BCL7B: variants seen among roughly 807,000 people sequenced by gnomAD.
The protein encoded by BCL7B is BAF chromatin remodeling complex subunit BCL7B.
Under a neutral mutation model 26.5 loss-of-function variants are expected in BCL7B, and 11 were observed. That is an observed-to-expected ratio of 0.42 (90% CI 0.26 to 0.69). The LOEUF (loss-of-function observed/expected upper bound fraction) is 0.69, where lower values mean the gene tolerates loss of function less well. Among genes scored for constraint, BCL7B ranks in the 30% least tolerant of loss-of-function variants. The probability of loss-of-function intolerance (pLI) is 0.28; values close to 1 mark genes in which losing one functional copy is unlikely to be tolerated. For synonymous variants in BCL7B, 111 were observed against 107.9 expected, an observed-to-expected ratio of 1.03 and a Z score of -0.18; for missense variants, 215 against 264.4, an observed-to-expected ratio of 0.81 and a Z score of 1.30.
intron 3 of BCL7B, among the ~76,000 whole-genome samples, chr7:73,540,983 C>T (rs966354283): frequency 1.3e-5 from 2 of 151,780 alleles, no homozygotes; most frequent in Non-Finnish European, 2.9e-5. Context: ...CCCGTCTCTA[C>T]TGAAAATACA....
intron 4 of BCL7B, among the ~76,000 whole-genome samples, chr7:73,539,443 G>A (rs111623485): frequency 4.6e-5 from 7 of 151,588 alleles, no homozygotes; most frequent in Non-Finnish European, 7.4e-5. Flanking sequence ...TAGTAGAGAC[G>A]GTTTTGCCAT....
In BCL7B at chr7:73,556,953, G is replaced by A. The variant is rs551976786; in HGVS notation, c.92+534C>T. 8.1e-6 allele frequency: 8 copies of A among 989,884 alleles called. No homozygotes were observed. The South Asian group carries it at 3.3e-4, about 41-fold the overall frequency. The allele number at this position is 989,884 out of a possible 1,614,324, so 61.3% of individuals were successfully genotyped here. On this transcript the variant is annotated intron_variant, in intron 1 of 5. Transcript: ENST00000223368. ...AATGCCTACCAAGCTCGCGGCGCAG[G>A]GGCCGGTTACTGGGGGAAAGGGAGG...
rs542395658 is a variant in BCL7B, at chr7:73,549,537, G to A, written c.168+2630C>T. ...CTAAAAAAGGAAAAAGCGTGGGTACGATGGCTCATGCCTAAAATCCCACCA... is the reference window on the plus strand; with the variant it reads ...CTAAAAAAGGAAAAAGCGTGGGTACAATGGCTCATGCCTAAAATCCCACCA... On this transcript the variant is annotated intron_variant, in intron 2 of 5. Coordinates refer to ENST00000223368, the MANE Select transcript of BCL7B (RefSeq NM_001707.4). Among the ~76,000 whole-genome samples the A allele has an allele frequency of 2.0e-4, 31 of 152,254 alleles. No homozygotes were observed. The East Asian group carries it at 5.2e-3, about 26-fold the overall frequency.
At position 73,537,087 on chromosome 7, in the gene BCL7B, C is replaced by T. The variant is rs902908461; in HGVS notation, c.*211G>A. 2 of 466,760 alleles carry T rather than the reference C, an allele frequency of 4.3e-6. No individual in the cohort carries two copies. Among genetic ancestry groups the T allele is most frequent in the Non-Finnish European group, 7.7e-6 (2 of 258,534 alleles). 28.9% of individuals were successfully genotyped at this position (466,760 alleles called of 1,614,324 possible). A position where few individuals can be genotyped will look rare whatever the true frequency, so the allele number is the denominator to read the frequency against. ...ACTTGGGGTGCAAAAAAGACATGAG[C>T]GCTCCTCTTCTCGGGAGCAAGTAGA... On this transcript the variant is annotated 3_prime_UTR_variant, in exon 6 of 6. Transcript: ENST00000223368.
intron 2 of BCL7B, among the ~76,000 whole-genome samples, chr7:73,547,217 C>G (rs914745055): frequency 6.6e-6 from 1 of 152,006 alleles, no homozygotes; most frequent in Admixed American, 6.6e-5. Context: ...GATCCCAGCA[C>G]TTTGGGAGGC....
chr7:73,557,201 C>G (rs7793710), intron 1 of BCL7B: 291,628 of 1,043,288 alleles, frequency 0.28, 41,849 homozygotes, highest in African/African-American at 0.39. Context: ...CGGGCACCGA[C>G]GCCAGGCAGC....
chr7:73,541,309 T>C (rs1278760325), intron 3 of BCL7B, among the ~76,000 whole-genome samples: 1 of 152,072 alleles, frequency 6.6e-6, no homozygotes, highest in Admixed American at 6.6e-5. Context: ...TCAAGCCTCA[T>C]CATCTCCAGC....
At chr7:73,549,435 T>C (rs1381793163) in intron 2 of BCL7B, among the ~76,000 whole-genome samples, 1 of 152,192 alleles carries the variant, frequency 6.6e-6, no homozygotes, top group Non-Finnish European at 1.5e-5. Context: ...TCCCAGCTAT[T>C]TGGGAGGCTG....
At chr7:73,541,787 G>T (rs1791780475) in intron 3 of BCL7B, among the ~76,000 whole-genome samples, 1 of 152,186 alleles carries the variant, frequency 6.6e-6, no homozygotes, top group South Asian at 2.1e-4. Flanking sequence ...CTTCTTAGGA[G>T]AGGCAGGAGC....
chr7:73,550,244 G>A (rs1792106953), intron 2 of BCL7B, among the ~76,000 whole-genome samples: 1 of 152,106 alleles, frequency 6.6e-6, no homozygotes, highest in African/African-American at 2.4e-5. Context: ...GATACATGGA[G>A]GGTTCTCAAA....
At chr7:73,550,620 A>G (rs910598786) in intron 2 of BCL7B, among the ~76,000 whole-genome samples, 4 of 148,118 alleles carry the variant, frequency 2.7e-5, no homozygotes, top group Non-Finnish European at 5.9e-5. Context: ...GGTTCTGGCA[A>G]AATACTGTAC....
chr7:73,549,805 C>T (rs373169636), intron 2 of BCL7B, among the ~76,000 whole-genome samples: 4 of 151,932 alleles, frequency 2.6e-5, no homozygotes, highest in East Asian at 3.9e-4. Flanking sequence ...ACTCCAGCTT[C>T]GGTGACATAG....
At chr7:73,540,077 A>G in intron 3 of BCL7B, 25 bp from the exon 4 acceptor site, 1 of 1,606,082 alleles carries the variant, frequency 6.2e-7, no homozygotes. Flanking sequence ...GAACAAAGGC[A>G]GCAGCTGAGC....
intron 2 of BCL7B, among the ~76,000 whole-genome samples, chr7:73,549,824 T>C (rs1792090055): frequency 6.6e-6 from 1 of 152,176 alleles, no homozygotes; most frequent in African/African-American, 2.4e-5. Flanking sequence ...AGTGAGATTT[T>C]GTCTCTGGAA....
intron 2 of BCL7B, among the ~76,000 whole-genome samples, chr7:73,544,409 T>A (rs577402469): frequency 6.6e-6 from 1 of 150,596 alleles, no homozygotes; most frequent in Non-Finnish European, 1.5e-5. Context: ...CGAGACTCCA[T>A]CTAAAAAAAC....
At position 73,543,661 on chromosome 7, in the gene BCL7B, A is replaced by G; in HGVS notation, c.169-17T>C. ...CTTTTCTTTCTAGAAAAGGAAAAAA[A>G]GAGGAATATGACAGAGCCAAGCAGG... On this transcript the variant is annotated splice_polypyrimidine_tract_variant and intron_variant, in intron 2 of 5. Transcript: ENST00000223368. 2 of 1,603,116 alleles carry G rather than the reference A, an allele frequency of 1.2e-6. No homozygotes were observed.
chr7:73,538,110 A>G (rs895907431), intron 4 of BCL7B, 97 bp from the exon 5 acceptor site: 7 of 675,882 alleles, frequency 1.0e-5, no homozygotes, highest in African/African-American at 1.9e-5. Context: ...CTTGGTGAGG[A>G]GGGGAGAATA....
chr7:73,557,272 G>C, intron 1 of BCL7B: 1 of 1,133,008 alleles, frequency 8.8e-7, no homozygotes, highest in Non-Finnish European at 1.1e-6. Context: ...AGCCGCAGCA[G>C]GTGGGCGGGC....
chr7:73,543,451 T>G, intron 3 of BCL7B, 97 bp downstream of exon 3: 1 of 1,140,928 alleles, frequency 8.8e-7, no homozygotes, highest in Non-Finnish European at 1.3e-6. Context: ...GTGCTGAGGT[T>G]ACAGGTGTGA....
Sources: allele counts gnomAD v4.1 joint callset (sites outside exome capture counted in the v4.1 genomes callset), GRCh38; gene constraint gnomAD v4.1.1; transcripts MANE v1.5; gene names NCBI Gene and HGNC (gene_info 2026-07-23, HGNC 2026-07-21).